The following CETP variants were observed in gnomAD, a reference collection of about 807,000 sequenced individuals.
CETP encodes cholesteryl ester transfer protein.
In CETP, 56 loss-of-function variants were observed where a neutral mutation model predicts 66.5. That is an observed-to-expected ratio of 0.84 (90% CI 0.68 to 1.05). The LOEUF is 1.05. Ranked by LOEUF, CETP falls within the 50% of genes least tolerant of loss-of-function variation. The pLI is 0.00. For synonymous variants in CETP, 251 were observed against 245.7 expected (o/e 1.02, Z -0.20); for missense variants, 612 against 609.6 (o/e 1.00, Z -0.04).
intron 14 of CETP, 39 bp from the exon 15 acceptor site, chr16:56,983,287 C>T (rs761492895): frequency 4.5e-5 from 72 of 1,597,636 alleles, no homozygotes; most frequent in Non-Finnish European, 6.1e-5. Context: ...GGCCTTGCTC[C>T]CCAAGAAGGG....
In CETP at chr16:56,971,066, C is replaced by A; in HGVS notation, c.561C>A (p.Phe187Leu). 6.2e-7 allele frequency: 1 copy of A among 1,614,152 alleles called. No homozygotes were observed. Among genetic ancestry groups the A allele is most frequent in the Non-Finnish European group, 8.5e-7 (1 of 1,180,026 alleles). The part of the protein sequence containing the change: ...PGWIKQLFTN[F>L]ISFTLKLVLK... ...GGATCAAGCAGCTGTTCACAAATTTCATCTCCTTCACCCTGAAGCTGGTCC... is the reference window on the plus strand; with the variant it reads ...GGATCAAGCAGCTGTTCACAAATTTAATCTCCTTCACCCTGAAGCTGGTCC... Residue 187 changes from phenylalanine to leucine, a missense_variant, in exon 6 of 16, where the codon TTC becomes TTA. Coordinates refer to ENST00000200676, the MANE Select transcript of CETP (RefSeq NM_000078.3).
At chr16:56,969,235 T>A (rs2056089909) in intron 2 of CETP, 151 bp from the exon 3 acceptor site, 1 of 1,010,296 alleles carries the variant, frequency 9.9e-7, no homozygotes, top group Admixed American at 1.7e-5. Flanking sequence ...TTTGACATGT[T>A]GGGTAACATA....
chr16:56,983,753 G>C lies in CETP; in HGVS notation c.*87G>C. On this transcript the variant is annotated 3_prime_UTR_variant, in exon 16 of 16. Coordinates refer to ENST00000200676, the MANE Select transcript of CETP (RefSeq NM_000078.3). ...GAACCCTGGTGTCTCCTCCAGCGTG[G>C]TGGAAGTTGGGTTAGGAGTACGGAG... 7.9e-7 allele frequency: 1 copy of C among 1,272,538 alleles called. No homozygotes were observed. 78.8% of individuals were successfully genotyped at this position (1,272,538 alleles called of 1,614,324 possible). A position where few individuals can be genotyped will look rare whatever the true frequency, so the allele number is the denominator to read the frequency against.
intron 4 of CETP, 49 bp from the exon 5 acceptor site, chr16:56,969,865 C>G (rs748614904): frequency 6.3e-7 from 1 of 1,594,740 alleles, no homozygotes. Flanking sequence ...CATGTGGATA[C>G]CATCTGATAG....
At chr16:56,969,875 G>A in intron 4 of CETP, 39 bp from the exon 5 acceptor site, 4 of 1,602,886 alleles carry the variant, frequency 2.5e-6, no homozygotes, top group Non-Finnish European at 1.7e-6. Flanking sequence ...CCATCTGATA[G>A]CGGAGGCTGC....
intron 2 of CETP, 57 bp downstream of exon 2, chr16:56,963,181 T>C (rs1293578346): frequency 1.3e-5 from 18 of 1,413,774 alleles, no homozygotes; most frequent in South Asian, 4.6e-5. Flanking sequence ...AGGAACAGCC[T>C]GGGGCTTGCC....
In CETP at chr16:56,976,992, T is replaced by A. The variant is rs12720901; in HGVS notation, c.982-1099T>A. ...GGCGCAATCTCAGCTCACTGCAACC[T>A]ACGCCTCCTGTGTTCAAGCAATTCT... On this transcript the variant is annotated intron_variant, in intron 10 of 15. Coordinates refer to ENST00000200676, the MANE Select transcript of CETP (RefSeq NM_000078.3). Among the ~76,000 whole-genome samples the A allele has an allele frequency of 3.7e-3, 571 of 152,334 alleles. 3 individuals carry two copies. Among genetic ancestry groups the A allele is most frequent in the African/African-American group, 0.013 (540 of 41,584 alleles).
At chr16:56,976,964 A>C (rs989244702) in intron 10 of CETP, among the ~76,000 whole-genome samples, 1 of 152,110 alleles carries the variant, frequency 6.6e-6, no homozygotes, top group Non-Finnish European at 1.5e-5. Flanking sequence ...GCTGGAGTGC[A>C]GTGGCGCAAT....
intron 2 of CETP, among the ~76,000 whole-genome samples, chr16:56,966,946 T>G (rs1205142947): frequency 6.6e-6 from 1 of 151,998 alleles, no homozygotes; most frequent in Non-Finnish European, 1.5e-5. Context: ...CTCTAATGTC[T>G]CAGGTAGTGT....
chr16:56,972,354 G>A (rs1286253723), intron 8 of CETP, among the ~76,000 whole-genome samples: 3 of 151,300 alleles, frequency 2.0e-5, no homozygotes, highest in Admixed American at 1.3e-4. Flanking sequence ...GGGCTTATTC[G>A]GCTTCTGTCA....
At chr16:56,971,238 A>G (rs190556780) in intron 6 of CETP, 83 bp from the exon 7 acceptor site, 7 of 1,544,714 alleles carry the variant, frequency 4.5e-6, no homozygotes, top group Admixed American at 1.7e-5. Context: ...GGTCCCCAGC[A>G]CTGCCACCAC....
chr16:56,971,851 C>G, intron 7 of CETP, 141 bp from the exon 8 acceptor site: 1 of 754,370 alleles, frequency 1.3e-6, no homozygotes, highest in Non-Finnish European at 2.4e-6. Flanking sequence ...AGTGCCACAC[C>G]CCTCCCCGCA....
rs558765568 is a variant in CETP, at chr16:56,969,190, A to G, written c.234-196A>G. On this transcript the variant is annotated intron_variant, in intron 2 of 15. Transcript: ENST00000200676. Reference sequence around the variant, plus strand: ...AGGTCCTTAACTTAACCATACTTTCATATGGGTAACACGAGTTGAGTGTGG... The same window carrying G: ...AGGTCCTTAACTTAACCATACTTTCGTATGGGTAACACGAGTTGAGTGTGG... Among the ~76,000 whole-genome samples the G allele has an allele frequency of 2.6e-5, 4 of 152,074 alleles. No individual in the cohort carries two copies. The South Asian group carries it at 6.2e-4, about 24-fold the overall frequency.
chr16:56,977,685 G>T (rs950753189), intron 10 of CETP, among the ~76,000 whole-genome samples: 21 of 152,112 alleles, frequency 1.4e-4, no homozygotes, highest in African/African-American at 4.6e-4. Flanking sequence ...TGCTACAGCA[G>T]CTTCCCTCGG....
chr16:56,970,134 GT>G (rs1222788445), intron 5 of CETP, 133 bp downstream of exon 5: 1 of 774,480 alleles, frequency 1.3e-6, no homozygotes, highest in Non-Finnish European at 2.2e-6. Context: ...AATACCTTCA[GT>G]GGGGTCACTT....
intron 2 of CETP, among the ~76,000 whole-genome samples, chr16:56,966,391 T>C (rs1165526880): frequency 2.0e-5 from 3 of 152,180 alleles, no homozygotes; most frequent in East Asian, 3.9e-4. Flanking sequence ...TCTGGTTCTC[T>C]AGGCCAGAAA....
At chr16:56,979,671 C>T (rs139256141) in intron 11 of CETP, among the ~76,000 whole-genome samples, 37 of 152,254 alleles carry the variant, frequency 2.4e-4, no homozygotes, top group East Asian at 9.7e-4. Context: ...CGTGCCACCA[C>T]GCCCAGCTAA....
chr16:56,983,196 A>T, intron 14 of CETP, 130 bp from the exon 15 acceptor site: 1 of 764,316 alleles, frequency 1.3e-6, no homozygotes. Flanking sequence ...TGCTAAATCA[A>T]AGTGAAACGC....
intron 2 of CETP, among the ~76,000 whole-genome samples, chr16:56,966,562 G>A (rs561937823): frequency 1.3e-5 from 2 of 152,198 alleles, no homozygotes; most frequent in South Asian, 4.1e-4. Flanking sequence ...CTGCAGCCCG[G>A]CTGGGTTTTT....
Sources: gnomAD v4.1 joint callset for allele counts (sites outside exome capture counted in the v4.1 genomes callset) on GRCh38, gnomAD v4.1.1 for gene constraint, MANE v1.5 for transcripts, NCBI Gene and HGNC (gene_info 2026-07-23, HGNC 2026-07-21) for gene names.